The following FBXO4 variants were observed in gnomAD, a reference collection of about 807,000 sequenced individuals.
The protein encoded by FBXO4 is F-box protein 4.
In FBXO4, 36 loss-of-function variants were observed where a neutral mutation model predicts 43.7. The observed-to-expected ratio is 0.82, with a 90% CI of 0.63 to 1.09. The LOEUF is 1.09. Among genes scored for constraint, FBXO4 ranks in the 50% least tolerant of loss-of-function variants. FBXO4 has a pLI of 0.00. For synonymous variants in FBXO4, 180 were observed against 165.6 expected (o/e 1.09, Z -0.67); for missense variants, 435 against 474.1 (o/e 0.92, Z 0.77).
the FBXO4 span, among the ~76,000 whole-genome samples, chr5:41,983,381 ACTGTCAACTTTATTT>A: frequency 2.0e-5 from 3 of 152,164 alleles, no homozygotes; most frequent in African/African-American, 4.8e-5. Flanking sequence ...CACTTCTAAT[ACTGTCAACTTTATTT>A]CTGTCAACTT....
chr5:41,975,028 A>G, the FBXO4 span, among the ~76,000 whole-genome samples: 1 of 151,990 alleles, frequency 6.6e-6, no homozygotes, highest in Non-Finnish European at 1.5e-5. Flanking sequence ...TGCAGTTCCT[A>G]CCTTCAGGCC....
intron 4 of FBXO4, 46 bp downstream of exon 4, chr5:41,934,067 A>C: frequency 6.2e-7 from 1 of 1,611,086 alleles, no homozygotes; most frequent in Non-Finnish European, 8.5e-7. Context: ...CAGAACTAAA[A>C]CATTTCAGGT....
At chr5:42,035,129 G>T in the FBXO4 span, among the ~76,000 whole-genome samples, 1 of 151,872 alleles carries the variant, frequency 6.6e-6, no homozygotes, top group Non-Finnish European at 1.5e-5. Flanking sequence ...CTTGTCTGTT[G>T]TTGGTTTATA....
chr5:42,026,625 T>C, the FBXO4 span, among the ~76,000 whole-genome samples: 1 of 151,844 alleles, frequency 6.6e-6, no homozygotes. Context: ...CAATGAGCCT[T>C]CTTGTTGTGC....
the FBXO4 span, among the ~76,000 whole-genome samples, chr5:41,958,697 G>A: frequency 8.5e-4 from 129 of 152,154 alleles, no homozygotes; most frequent in Non-Finnish European, 1.4e-3. Context: ...TGTACTCCAG[G>A]TTCATCCATG....
At chr5:41,954,423 G>T in the FBXO4 span, among the ~76,000 whole-genome samples, 1 of 152,138 alleles carries the variant, frequency 6.6e-6, no homozygotes, top group Non-Finnish European at 1.5e-5. Context: ...TATGCAATTT[G>T]AAATATGAAT....
At chr5:42,030,156 C>T in the FBXO4 span, among the ~76,000 whole-genome samples, 2,381 of 152,116 alleles carry the variant, frequency 0.016, 116 homozygotes, top group East Asian at 0.1. Flanking sequence ...CAAGTCAATC[C>T]TAAGCCAAAA....
the FBXO4 span, among the ~76,000 whole-genome samples, chr5:41,999,510 T>TACAC: frequency 1.2e-5 from 1 of 80,568 alleles, no homozygotes; most frequent in African/African-American, 9.9e-5. Context: ...TATATGTGTA[T>TACAC]ATATATATAT....
chr5:41,951,706 G>T, the FBXO4 span: 3 of 217,906 alleles, frequency 1.4e-5, no homozygotes, highest in East Asian at 1.5e-4. Context: ...AGCTGCTGTT[G>T]CATGGGGTGG....
chr5:41,946,955 T>C, the FBXO4 span, among the ~76,000 whole-genome samples: 1 of 152,198 alleles, frequency 6.6e-6, no homozygotes, highest in Non-Finnish European at 1.5e-5. Context: ...GAATCAAAAG[T>C]TAATAGACAT....
Position 41,927,302 on chromosome 5 carries a change from C to T in FBXO4, c.425+54C>T, listed in dbSNP as rs773532071. 22 of 1,295,566 alleles carry T rather than the reference C, an allele frequency of 1.7e-5. No individual in the cohort carries two copies. The Admixed American group carries it at 2.6e-4, about 15-fold the overall frequency. The allele number at this position is 1,295,566 out of a possible 1,614,324, so 80.3% of individuals were successfully genotyped here. Reference sequence around the variant, plus strand: ...GAAGCTATTAAATTTTCCTGTATTACTAGTCAATATCCAAGTTAATCCTGA... The same window carrying T: ...GAAGCTATTAAATTTTCCTGTATTATTAGTCAATATCCAAGTTAATCCTGA... On this transcript the variant is annotated intron_variant, in intron 2 of 6. Transcript: ENST00000281623.
the FBXO4 span, among the ~76,000 whole-genome samples, chr5:42,014,916 C>T: frequency 2.4e-4 from 36 of 152,052 alleles, no homozygotes; most frequent in Non-Finnish European, 4.1e-4. Context: ...TTACCCTCAG[C>T]CCAAGTTTTT....
chr5:41,943,938 C>T (rs1733066307), downstream of FBXO4, among the ~76,000 whole-genome samples: 1 of 152,154 alleles, frequency 6.6e-6, no homozygotes. Flanking sequence ...CAAAAGACCA[C>T]ATGAGGACAT....
At chr5:41,971,192 A>G in the FBXO4 span, among the ~76,000 whole-genome samples, 1 of 147,266 alleles carries the variant, frequency 6.8e-6, no homozygotes, top group Admixed American at 6.8e-5. Flanking sequence ...ATATTGATGT[A>G]AAACTAGAGA....
At chr5:41,979,104 G>T in the FBXO4 span, among the ~76,000 whole-genome samples, 2 of 152,168 alleles carry the variant, frequency 1.3e-5, no homozygotes, top group Non-Finnish European at 2.9e-5. Flanking sequence ...AAAGGTTTAA[G>T]CAGTGCCTGG....
chr5:42,016,548 G>C, the FBXO4 span, among the ~76,000 whole-genome samples: 1 of 148,248 alleles, frequency 6.7e-6, no homozygotes, highest in Non-Finnish European at 1.5e-5. Flanking sequence ...CCTGTAAACA[G>C]ATTTCTTTTT....
the FBXO4 span, among the ~76,000 whole-genome samples, chr5:41,964,998 A>C: frequency 6.6e-6 from 1 of 152,078 alleles, no homozygotes; most frequent in Non-Finnish European, 1.5e-5. Flanking sequence ...GTTTTCTTCT[A>C]GGGTTTTTAT....
the FBXO4 span, among the ~76,000 whole-genome samples, chr5:42,026,646 A>T: frequency 6.6e-6 from 1 of 151,896 alleles, no homozygotes; most frequent in Non-Finnish European, 1.5e-5. Flanking sequence ...TCTGGATCTT[A>T]GATGAAAGGA....
At chr5:42,040,131 A>G in the FBXO4 span, among the ~76,000 whole-genome samples, 1 of 152,102 alleles carries the variant, frequency 6.6e-6, no homozygotes, top group Non-Finnish European at 1.5e-5. Flanking sequence ...GATACCTAGC[A>G]GCAGAAAACT....
Sources: allele counts gnomAD v4.1 joint callset (sites outside exome capture counted in the v4.1 genomes callset), GRCh38; gene constraint gnomAD v4.1.1; transcripts MANE v1.5; gene names NCBI Gene and HGNC (gene_info 2026-07-23, HGNC 2026-07-21).